The following MIOS variants were observed in gnomAD, a reference collection of about 807,000 sequenced individuals.
MIOS encodes the protein meiosis regulator for oocyte development, also known as GATOR2 complex protein MIOS.
Under a neutral mutation model 96.9 loss-of-function variants are expected in MIOS, and 52 were observed. The observed-to-expected ratio is 0.54, with a 90% CI of 0.43 to 0.68. The LOEUF is 0.68. Among genes scored for constraint, MIOS ranks in the 30% least tolerant of loss-of-function variants. The pLI is 0.00. For synonymous variants in MIOS, 397 were observed against 359.5 expected, an observed-to-expected ratio of 1.10 and a Z score of -1.18; for missense variants, 1,005 against 1,052.8, an observed-to-expected ratio of 0.95 and a Z score of 0.63.
At position 7,582,876 on chromosome 7, in the gene MIOS, C is replaced by G. The variant is rs1449519499; in HGVS notation, c.1394-242C>G. ...TAGATTAGGTGGCCAGGCAGTAACT[C>G]AGTTTAGTCCATCTGAGCATTTGCT... On this transcript the variant is annotated intron_variant, in intron 5 of 12. Transcript: ENST00000340080. 3.9e-5 allele frequency: 16 copies of G among 413,248 alleles called. No homozygotes were observed. In the South Asian group the frequency reaches 6.9e-4, roughly 18 times the overall value. The allele number at this position is 413,248 out of a possible 1,614,324, so 25.6% of individuals were successfully genotyped here.
In MIOS at chr7:7,572,712, A is replaced by C; in HGVS notation, c.237A>C (p.Ala79=). 1 of 1,614,194 alleles carries C rather than the reference A, an allele frequency of 6.2e-7. No individual in the cohort carries two copies. Among genetic ancestry groups the C allele is most frequent in the Non-Finnish European group, 8.5e-7 (1 of 1,180,008 alleles). Residue 79 remains alanine (A), a synonymous_variant, in exon 4 of 13, where the codon GCA becomes GCC. Transcript: ENST00000340080. This position sits in a 1 kb window ranked among gnomAD's most constrained non-coding sequence, Gnocchi z 4.8. ...YLNYDPECLL[A]VGQANGRVVL... ...ATTATGATCCTGAATGTCTGCTGGCAGTTGGACAAGCAAATGGTCGAGTTG... is the reference window on the plus strand; with the variant it reads ...ATTATGATCCTGAATGTCTGCTGGCCGTTGGACAAGCAAATGGTCGAGTTG...
At chr7:7,571,708 C>T (rs1354562017) in intron 3 of MIOS, among the ~76,000 whole-genome samples, 1 of 152,168 alleles carries the variant, frequency 6.6e-6, no homozygotes, top group East Asian at 1.9e-4. Flanking sequence ...AATGACTTTT[C>T]TGAGGCATAT....
At chr7:7,581,801 C>G (rs144226479) in intron 5 of MIOS, 1 of 152,326 alleles carries the variant, frequency 6.6e-6, no homozygotes, top group Non-Finnish European at 1.5e-5. Context: ...CCTGCTGCTT[C>G]TCTCTTACCT....
chr7:7,587,556 A>G (rs1041941504), intron 7 of MIOS, among the ~76,000 whole-genome samples: 2 of 152,220 alleles, frequency 1.3e-5, no homozygotes, highest in Non-Finnish European at 2.9e-5. Flanking sequence ...ATAGCCATTC[A>G]GTTAATTTTT....
chr7:7,570,850 C>A (rs1189499712), intron 3 of MIOS, among the ~76,000 whole-genome samples: 1 of 152,248 alleles, frequency 6.6e-6, no homozygotes, highest in African/African-American at 2.4e-5. Context: ...GCCTGCTGCT[C>A]ACCTCCTGCT....
At chr7:7,595,154 A>T in intron 10 of MIOS, 22 bp downstream of exon 10, 1 of 1,594,010 alleles carries the variant, frequency 6.3e-7, no homozygotes, top group Non-Finnish European at 8.5e-7. Context: ...GTTTTGGAGA[A>T]AATCAAATTG....
At chr7:7,595,435 A>G (rs1339837681) in intron 10 of MIOS, among the ~76,000 whole-genome samples, 3 of 152,174 alleles carry the variant, frequency 2.0e-5, no homozygotes, top group African/African-American at 7.2e-5. Flanking sequence ...TTGTGTATTA[A>G]GTTTTTTAGC....
rs1227534509 is a variant in MIOS at position 7,596,450 on chromosome 7, C to G, written c.2390C>G (p.Ser797Cys). Residue 797 changes from serine (S) to cysteine (C), a missense_variant, in exon 11 of 13, where the codon TCT becomes TGT. Ser to Cys is a moderately radical substitution (Grantham distance 112). Around this residue, in one of 3 missense-constraint regions of MIOS, gnomAD observed 865 missense variants for 887.9 expected, o/e 0.97. Transcript: ENST00000340080. Reference sequence around the variant, plus strand: ...CTCATTAATATGGGAACACCAGTTTCTAGCTGTCCTGGTATGACATAATTT... The same window carrying G: ...CTCATTAATATGGGAACACCAGTTTGTAGCTGTCCTGGTATGACATAATTT... Reference protein sequence around the residue: ...LCLINMGTPVSSCPGGTKSDE... With the variant: ...LCLINMGTPVCSCPGGTKSDE... The G allele has an allele frequency of 2.5e-6, 4 of 1,613,586 alleles. No homozygotes were observed. Among genetic ancestry groups the G allele is most frequent in the Non-Finnish European group, 3.4e-6 (4 of 1,179,752 alleles).
chr7:7,592,723 A>G (rs918551377), intron 9 of MIOS, among the ~76,000 whole-genome samples: 13 of 152,092 alleles, frequency 8.5e-5, no homozygotes, highest in African/African-American at 2.7e-4. Context: ...TCACTGTCCT[A>G]TGAGAATCTA....
chr7:7,598,423 TGAA>T (rs888599531), intron 11 of MIOS, among the ~76,000 whole-genome samples: 5 of 151,844 alleles, frequency 3.3e-5, no homozygotes, highest in African/African-American at 7.2e-5. Context: ...TTTAAAGAAA[TGAA>T]GAGAATATGT....
chr7:7,606,165 C>T, intron 12 of MIOS, 94 bp downstream of exon 12: 1 of 1,472,480 alleles, frequency 6.8e-7, no homozygotes, highest in South Asian at 1.4e-5. Context: ...TAGCATTTAG[C>T]CAAAGTATGA....
At chr7:7,569,478 AG>A (rs1783274566) in intron 3 of MIOS, among the ~76,000 whole-genome samples, 1 of 152,254 alleles carries the variant, frequency 6.6e-6, no homozygotes, top group East Asian at 1.9e-4. Flanking sequence ...TAGGGAGCGT[AG>A]AAGTGGAAGC....
chr7:7,606,076 TCAG>T lies in MIOS; in HGVS notation c.2531+8_2531+10del. 1 of 1,613,302 alleles carries T rather than the reference TCAG, an allele frequency of 6.2e-7. No homozygotes were observed. Among genetic ancestry groups the T allele is most frequent in the Non-Finnish European group, 8.5e-7 (1 of 1,179,496 alleles). The stretch of plus-strand genomic sequence containing the variant: ...ACATATGCTTAGTTGGTTCAGGTAA[TCAG>T]CACATTTCTTCTTTGATAGGCTTGG... On this transcript the variant is annotated splice_donor_region_variant and intron_variant, in intron 12 of 12. Coordinates refer to ENST00000340080, the MANE Select transcript of MIOS (RefSeq NM_019005.4).
At chr7:7,596,179 T>C in intron 10 of MIOS, 78 bp from the exon 11 acceptor site, 2 of 1,226,690 alleles carry the variant, frequency 1.6e-6, no homozygotes, top group Non-Finnish European at 2.3e-6. Context: ...AAAAATAATT[T>C]GTTAGGCGCA....
chr7:7,574,784 C>CTT lies in MIOS; in HGVS notation c.1393+599_1393+600dup, dbSNP rs202002747. Among the ~76,000 whole-genome samples the CTT allele has an allele frequency of 3.1e-4, 46 of 146,664 alleles. 1 individual carries two copies. In the East Asian group the frequency reaches 6.9e-3, roughly 22 times the overall value. On this transcript the variant is annotated intron_variant, in intron 5 of 12. Coordinates refer to ENST00000340080, the MANE Select transcript of MIOS (RefSeq NM_019005.4). The stretch of plus-strand genomic sequence containing the variant: ...AAGAATAAAAGTGACAAAAACCAAA[C>CTT]TTTTTTTTTTTTCTGACTGCTTTAA...
Position 7,581,050 on chromosome 7 carries a change from G to T in MIOS, c.1394-2068G>T, listed in dbSNP as rs552024784. Reference sequence around the variant, plus strand: ...AAAAGAGTAAAAATAGGCCGGGCACGGTGGCTCATGCCTGTAATCCCAGCA... The same window carrying T: ...AAAAGAGTAAAAATAGGCCGGGCACTGTGGCTCATGCCTGTAATCCCAGCA... On this transcript the variant is annotated intron_variant, in intron 5 of 12. Transcript: ENST00000340080. Among the ~76,000 whole-genome samples, 54 of 150,592 alleles carry T rather than the reference G, an allele frequency of 3.6e-4. No homozygotes were observed. In the South Asian group the frequency reaches 0.011, roughly 30 times the overall value.
chr7:7,603,377 C>A (rs1348596015), intron 11 of MIOS, among the ~76,000 whole-genome samples: 1 of 152,076 alleles, frequency 6.6e-6, no homozygotes, highest in Non-Finnish European at 1.5e-5. Context: ...AAGAAAAAAA[C>A]AACCCCATCA....
At chr7:7,595,556 A>C (rs1182766760) in intron 10 of MIOS, among the ~76,000 whole-genome samples, 1 of 152,240 alleles carries the variant, frequency 6.6e-6, no homozygotes, top group Non-Finnish European at 1.5e-5. Context: ...TAGTTTAAAA[A>C]ATGAGATTGT....
rs1784591479 is a variant in MIOS, at chr7:7,608,623, A to G, written c.*1531A>G. 6.6e-6 allele frequency: 1 copy of G among 151,956 alleles called. No individual in the cohort carries two copies. Among genetic ancestry groups the G allele is most frequent in the Admixed American group, 6.6e-5 (1 of 15,224 alleles). The allele number at this position is 151,956 out of a possible 1,614,324, so 9.4% of individuals were successfully genotyped here. ...CCAGCCTTCATTTGAGTAAATCTTA[A>G]TTGATTTCATTTTATTAACATATAC... On this transcript the variant is annotated 3_prime_UTR_variant, in exon 13 of 13. Transcript: ENST00000340080.
Sources: allele counts gnomAD v4.1 joint callset (sites outside exome capture counted in the v4.1 genomes callset), GRCh38; gene constraint gnomAD v4.1.1; regional missense constraint gnomAD v4.1.1; non-coding constraint Gnocchi (gnomAD v3.1); transcripts MANE v1.5; gene names NCBI Gene and HGNC (gene_info 2026-07-23, HGNC 2026-07-21).